The following OSBPL10 variants were observed in gnomAD, a reference collection of about 807,000 sequenced individuals.
OSBPL10 encodes oxysterol binding protein like 10.
OSBPL10 carries 49 observed loss-of-function variants against 81.7 expected under a neutral mutation model. That is an observed-to-expected ratio of 0.60 (90% CI 0.48 to 0.76). The LOEUF is 0.76. OSBPL10 is among the 30% of genes least tolerant of loss of function. The pLI is 0.00. For synonymous variants in OSBPL10, 419 were observed against 383.6 expected, an observed-to-expected ratio of 1.09 and a Z score of -1.08; for missense variants, 923 against 987.8, an observed-to-expected ratio of 0.93 and a Z score of 0.88.
chr3:31,780,671 C>T (rs1213838650), intron 4 of OSBPL10, among the ~76,000 whole-genome samples: 1 of 152,114 alleles, frequency 6.6e-6, no homozygotes, highest in African/African-American at 2.4e-5. Flanking sequence ...TTCAAGGCAA[C>T]TATGAACACC....
chr3:32,030,543 G>C, intron 2 of OSBPL10: 1 of 760,914 alleles, frequency 1.3e-6, no homozygotes, highest in East Asian at 2.5e-5. Context: ...ATCAGAAAAA[G>C]AAAGAAGCCA....
chr3:31,714,282 A>G (rs1387554375), intron 6 of OSBPL10, among the ~76,000 whole-genome samples: 2 of 152,200 alleles, frequency 1.3e-5, no homozygotes, highest in Admixed American at 6.5e-5. Context: ...AGTGCAGGAC[A>G]TGGCCTGGGT....
intron 4 of OSBPL10, among the ~76,000 whole-genome samples, chr3:31,753,646 C>T (rs1697788465): frequency 6.6e-6 from 1 of 152,164 alleles, no homozygotes; most frequent in African/African-American, 2.4e-5. Context: ...ATTACAGGAA[C>T]TTCCCCAAAT....
chr3:31,895,461 T>C (rs987206698), intron 1 of OSBPL10, among the ~76,000 whole-genome samples: 1 of 151,818 alleles, frequency 6.6e-6, no homozygotes, highest in Non-Finnish European at 1.5e-5. Context: ...ACAATCCCAA[T>C]CCCCCACATA....
chr3:31,698,848 C>A (rs538108822), intron 7 of OSBPL10, among the ~76,000 whole-genome samples: 1 of 152,326 alleles, frequency 6.6e-6, no homozygotes, highest in African/African-American at 2.4e-5. Context: ...GCTACCCTCC[C>A]TGATATGCTC....
chr3:32,021,935 G>T (rs1437355098), intron 2 of OSBPL10, among the ~76,000 whole-genome samples: 1 of 150,676 alleles, frequency 6.6e-6, no homozygotes, highest in Non-Finnish European at 1.5e-5. Flanking sequence ...AGTCATGGTC[G>T]TGCTACTGCA....
rs1451484726 is a variant in OSBPL10, at chr3:31,930,013, A to C, written c.282-50183T>G. Among the ~76,000 whole-genome samples, 100 of 150,402 alleles carry C rather than the reference A, an allele frequency of 6.6e-4. 1 individual carries two copies. The highest frequency in any genetic ancestry group is 2.2e-3 in the African/African-American group (91 of 41,252). On this transcript the variant is annotated intron_variant, in intron 1 of 11. Transcript: ENST00000396556. ...GACCCTGTCACCAACCAAAAAAAAA[A>C]AAAAAAAAAAAAACAGGTGTGGTGG...
At chr3:31,846,469 C>A (rs945838394) in intron 3 of OSBPL10, among the ~76,000 whole-genome samples, 2 of 151,734 alleles carry the variant, frequency 1.3e-5, no homozygotes, top group African/African-American at 4.8e-5. Flanking sequence ...ACTAAAAATA[C>A]AAAAAAATTA....
At chr3:31,720,881 C>CAAAAAAAAAAAAAAAAAAA (rs61492992) in intron 6 of OSBPL10, among the ~76,000 whole-genome samples, 3 of 66,312 alleles carry the variant, frequency 4.5e-5, no homozygotes, top group East Asian at 8.3e-4. Flanking sequence ...GACTCTGTCT[C>CAAAAAAAAAAAAAAAAAAA]AAAAAAAAAA....
At chr3:31,867,501 G>A (rs1701209029) in intron 3 of OSBPL10, among the ~76,000 whole-genome samples, 1 of 152,120 alleles carries the variant, frequency 6.6e-6, no homozygotes, top group East Asian at 1.9e-4. Context: ...CAGCACTTTG[G>A]GAGCCCAAGG....
chr3:31,925,482 A>ATT (rs34746076), intron 1 of OSBPL10, among the ~76,000 whole-genome samples: 120 of 147,298 alleles, frequency 8.1e-4, no homozygotes, highest in African/African-American at 2.7e-3. Context: ...CATGCAAAGC[A>ATT]TTTTTTTTTT....
rs184338098 is a variant in OSBPL10, at chr3:31,672,260, G to A, written c.1727-1277C>T. Among the ~76,000 whole-genome samples, 328 of 150,966 alleles carry A rather than the reference G, an allele frequency of 2.2e-3. 1 individual carries two copies. Among genetic ancestry groups the A allele is most frequent in the African/African-American group, 7.7e-3 (318 of 41,080 alleles). ...ATGATTATCGTTTTAATAAGAATGA[G>A]GAAACAAACTTTTAAGAGAGGTTAA... On this transcript the variant is annotated intron_variant, in intron 8 of 11. Transcript: ENST00000396556.
intron 1 of OSBPL10, among the ~76,000 whole-genome samples, chr3:31,902,057 G>T (rs1696258594): frequency 6.6e-6 from 1 of 152,032 alleles, no homozygotes; most frequent in Non-Finnish European, 1.5e-5. Flanking sequence ...ACAAAAAAGG[G>T]CATTTAATAA....
At chr3:31,687,055 A>G (rs1231398537) in intron 7 of OSBPL10, among the ~76,000 whole-genome samples, 3 of 152,158 alleles carry the variant, frequency 2.0e-5, no homozygotes, top group Non-Finnish European at 4.4e-5. Context: ...AGCCAAATCA[A>G]TGACAAAGGA....
intron 2 of OSBPL10, among the ~76,000 whole-genome samples, chr3:32,002,233 T>C (rs957465305): frequency 6.6e-6 from 1 of 152,190 alleles, no homozygotes; most frequent in East Asian, 1.9e-4. Context: ...TATGATGAAT[T>C]GCTGTCCACT....
intron 7 of OSBPL10, among the ~76,000 whole-genome samples, chr3:31,693,283 T>C (rs752403990): frequency 3.9e-5 from 6 of 152,184 alleles, no homozygotes; most frequent in Non-Finnish European, 7.4e-5. Context: ...AGCACAGCAA[T>C]GTTAATCTTT....
intron 4 of OSBPL10, among the ~76,000 whole-genome samples, chr3:31,809,085 A>G (rs1363282306): frequency 1.3e-5 from 2 of 152,248 alleles, no homozygotes; most frequent in African/African-American, 4.8e-5. Flanking sequence ...ACTATTTAGA[A>G]TTATTTTAGA....
At chr3:31,955,331 T>G (rs1341119865) in intron 1 of OSBPL10, among the ~76,000 whole-genome samples, 1 of 152,190 alleles carries the variant, frequency 6.6e-6, no homozygotes, top group Non-Finnish European at 1.5e-5. Context: ...ATAAGCAAAC[T>G]GAAACTCAGA....
At chr3:31,914,654 G>A (rs1696697007) in intron 1 of OSBPL10, among the ~76,000 whole-genome samples, 1 of 152,070 alleles carries the variant, frequency 6.6e-6, no homozygotes, top group South Asian at 2.1e-4. Flanking sequence ...CCGCAAATGA[G>A]GTGTTCTAAA....
Sources: allele counts gnomAD v4.1 joint callset (sites outside exome capture counted in the v4.1 genomes callset), GRCh38; gene constraint gnomAD v4.1.1; transcripts MANE v1.5; gene names NCBI Gene and HGNC (gene_info 2026-07-23, HGNC 2026-07-21).